SLC31A1: variants seen among roughly 807,000 people sequenced by gnomAD.
SLC31A1 encodes high affinity copper uptake protein 1.
In SLC31A1, 5 loss-of-function variants were observed where a neutral mutation model predicts 17.2. The ratio of observed to expected loss-of-function variants is 0.29; its 90% CI spans 0.15 to 0.61. The LOEUF (loss-of-function observed/expected upper bound fraction) is 0.61, where lower values mean the gene tolerates loss of function less well. SLC31A1 is among the 20% of genes least tolerant of loss of function. SLC31A1 has a pLI of 0.86. For missense variants in SLC31A1, 161 were observed against 241.4 expected (o/e 0.67, Z 2.21); for synonymous variants, 76 against 78.8 (o/e 0.96, Z 0.19).
intron 1 of SLC31A1, among the ~76,000 whole-genome samples, chr9:113,222,809 G>C (rs75936569): frequency 3.5e-4 from 54 of 152,288 alleles, no homozygotes; most frequent in African/African-American, 1.2e-3. Flanking sequence ...GTGTGAACTT[G>C]GCTACCTCTT....
chr9:113,226,379 A>C (rs1186600615), intron 1 of SLC31A1, among the ~76,000 whole-genome samples: 3 of 152,188 alleles, frequency 2.0e-5, no homozygotes. Context: ...TTTGTGACTT[A>C]AGTATAACAA....
At chr9:113,225,353 T>C (rs1425343320) in intron 1 of SLC31A1, among the ~76,000 whole-genome samples, 2 of 152,238 alleles carry the variant, frequency 1.3e-5, no homozygotes, top group African/African-American at 4.8e-5. Flanking sequence ...GTGACAAGTT[T>C]GTACTTAGAT....
chr9:113,246,496 C>T (rs1252465732), intron 1 of SLC31A1, among the ~76,000 whole-genome samples: 1 of 151,144 alleles, frequency 6.6e-6, no homozygotes, highest in Non-Finnish European at 1.5e-5. Context: ...GGACTATAGG[C>T]GCGTGCCACC....
chr9:113,224,429 CTT>C (rs200703569), intron 1 of SLC31A1, among the ~76,000 whole-genome samples: 34 of 141,084 alleles, frequency 2.4e-4, no homozygotes, highest in Admixed American at 3.6e-4. Flanking sequence ...TGTATGCTCA[CTT>C]TTTTTTTTTT....
At chr9:113,236,563 C>A (rs901327543) in intron 1 of SLC31A1, among the ~76,000 whole-genome samples, 1 of 151,430 alleles carries the variant, frequency 6.6e-6, no homozygotes, top group Non-Finnish European at 1.5e-5. Flanking sequence ...AGGGTTTCAC[C>A]GTGTTAGCCA....
At chr9:113,244,155 CAAAAAAAAAAA>C (rs1200835310) in intron 1 of SLC31A1, among the ~76,000 whole-genome samples, 1 of 41,310 alleles carries the variant, frequency 2.4e-5, no homozygotes, top group Non-Finnish European at 4.5e-5. Context: ...AACTCCATCT[CAAAAAAAAAAA>C]AAAAAAAAAA....
rs147748231 is a variant in SLC31A1 at position 113,235,723 on chromosome 9, A to G, written c.-36+14045A>G. Reference sequence around the variant, plus strand: ...GCAATAGTTACTGTTCTGGGTAACAATTAAATAAAATATACTTACTTTATG... The same window carrying G: ...GCAATAGTTACTGTTCTGGGTAACAGTTAAATAAAATATACTTACTTTATG... On this transcript the variant is annotated intron_variant, in intron 1 of 4. Coordinates refer to ENST00000374212, the MANE Select transcript of SLC31A1 (RefSeq NM_001859.4). Among the ~76,000 whole-genome samples, 37 of 152,316 alleles carry G rather than the reference A, an allele frequency of 2.4e-4. No homozygotes were observed. The East Asian group carries it at 6.4e-3, about 26-fold the overall frequency.
rs776144609 is a variant in SLC31A1 at position 113,256,175 on chromosome 9, G to A, written c.27G>A (p.Met9Ile). The change falls in exon 2 of 5, where the codon ATG becomes ATA. Residue 9 changes from methionine (M) to isoleucine (I), a missense_variant. Physicochemically the swap from Met to Ile is conservative, Grantham distance 10. Coordinates refer to ENST00000374212, the MANE Select transcript of SLC31A1 (RefSeq NM_001859.4). Reference sequence around the variant, plus strand: ...TGGATCATTCCCACCATATGGGGATGAGCTATATGGACTCCAACAGTACCA... The same window carrying A: ...TGGATCATTCCCACCATATGGGGATAAGCTATATGGACTCCAACAGTACCA... MDHSHHMG[M>I]SYMDSNSTMQ... 17 of 1,612,590 alleles carry A rather than the reference G, an allele frequency of 1.1e-5. No homozygotes were observed. In the Admixed American group the frequency reaches 2.7e-4, roughly 25 times the overall value.
intron 3 of SLC31A1, among the ~76,000 whole-genome samples, chr9:113,257,860 A>C (rs1831745763): frequency 6.6e-6 from 1 of 152,198 alleles, no homozygotes; most frequent in African/African-American, 2.4e-5. Flanking sequence ...ACCACAAAAT[A>C]AGTTTAAAAC....
At chr9:113,241,307 T>G (rs750085942) in intron 1 of SLC31A1, among the ~76,000 whole-genome samples, 9 of 152,170 alleles carry the variant, frequency 5.9e-5, no homozygotes, top group Non-Finnish European at 1.3e-4. Context: ...GAGAAATACA[T>G]GCAAGTAGTA....
intron 1 of SLC31A1, among the ~76,000 whole-genome samples, chr9:113,250,055 T>A (rs1831629612): frequency 6.6e-6 from 1 of 151,172 alleles, no homozygotes; most frequent in Admixed American, 6.6e-5. Flanking sequence ...TGTGGAGAAA[T>A]AGGAACACTT....
intron 4 of SLC31A1, 61 bp from the exon 5 acceptor site, chr9:113,260,211 T>G: frequency 6.8e-7 from 1 of 1,462,750 alleles, no homozygotes; most frequent in Non-Finnish European, 9.6e-7. Context: ...TCTTCCCTCT[T>G]TCTCCTGATC....
At chr9:113,256,993 C>CA (rs1831736059) in intron 2 of SLC31A1, 120 bp from the exon 3 acceptor site, 1 of 838,006 alleles carries the variant, frequency 1.2e-6, no homozygotes, top group East Asian at 2.5e-5. Flanking sequence ...GCCTCCCACT[C>CA]ACGTGAATGT....
rs1188312192 is a variant in SLC31A1 at position 113,262,237 on chromosome 9, T to G, written c.*1764T>G. On this transcript the variant is annotated 3_prime_UTR_variant, in exon 5 of 5. Coordinates refer to ENST00000374212, the MANE Select transcript of SLC31A1 (RefSeq NM_001859.4). ...ACCAAGCAGATCCTCATCCTCCATA[T>G]AATCATCTTTGTTATTCGTGGGGGT... 6.5e-6 allele frequency: 1 copy of G among 152,686 alleles called. No individual in the cohort carries two copies. Among genetic ancestry groups the G allele is most frequent in the Non-Finnish European group, 1.5e-5 (1 of 68,050 alleles). The allele number at this position is 152,686 out of a possible 1,614,324, so 9.5% of individuals were successfully genotyped here.
In SLC31A1 at chr9:113,260,752, A is replaced by G. The variant is rs889420707; in HGVS notation, c.*279A>G. Reference sequence around the variant, plus strand: ...ATGTCTTTTCCTTCTCCATCATCTTAGAGCCAAGTTATATGTTCTTGTCTA... The same window carrying G: ...ATGTCTTTTCCTTCTCCATCATCTTGGAGCCAAGTTATATGTTCTTGTCTA... On this transcript the variant is annotated 3_prime_UTR_variant, in exon 5 of 5. Transcript: ENST00000374212. 3.2e-5 allele frequency: 15 copies of G among 465,948 alleles called. 1 individual carries two copies. The highest frequency in any genetic ancestry group is 2.8e-4 in the African/African-American group (14 of 50,548). The allele number at this position is 465,948 out of a possible 1,614,324, so 28.9% of individuals were successfully genotyped here.
rs759675756 is a variant in SLC31A1 at position 113,260,255 on chromosome 9, C to T, written c.372-17C>T. 8 of 1,609,942 alleles carry T rather than the reference C, an allele frequency of 5.0e-6. No individual in the cohort carries two copies. The Admixed American group carries it at 1.2e-4, about 23-fold the overall frequency. On this transcript the variant is annotated splice_polypyrimidine_tract_variant and intron_variant, in intron 4 of 4. Transcript: ENST00000374212. ...TCCTAGGAGTCCCTGATTGTTGTGT[C>T]CCTGTTTACTCTCCAGGCAACAGAT... is the stretch of plus-strand genomic sequence containing the variant.
At chr9:113,230,386 T>C (rs1390866227) in intron 1 of SLC31A1, among the ~76,000 whole-genome samples, 4 of 152,210 alleles carry the variant, frequency 2.6e-5, no homozygotes, top group Non-Finnish European at 4.4e-5. Context: ...CCTCAGCCTA[T>C]AGCTGAGACT....
At chr9:113,227,521 T>G (rs1831355017) in intron 1 of SLC31A1, 1 of 152,226 alleles carries the variant, frequency 6.6e-6, no homozygotes, top group African/African-American at 2.4e-5. Context: ...CTTAGAGTGC[T>G]GGGATTACAG....
intron 1 of SLC31A1, among the ~76,000 whole-genome samples, chr9:113,232,624 G>A (rs1426127261): frequency 6.6e-6 from 1 of 150,446 alleles, no homozygotes; most frequent in Non-Finnish European, 1.5e-5. Context: ...CTGAGGTCAG[G>A]AGTTTGAGAC....
Sources: gnomAD v4.1 joint callset for allele counts (sites outside exome capture counted in the v4.1 genomes callset) on GRCh38, gnomAD v4.1.1 for gene constraint, MANE v1.5 for transcripts, NCBI Gene and HGNC (gene_info 2026-07-23, HGNC 2026-07-21) for gene names.